PDXDC1: variants seen among roughly 807,000 people sequenced by gnomAD.
PDXDC1 encodes pyridoxal-dependent decarboxylase domain-containing protein 1.
PDXDC1 carries 42 observed loss-of-function variants against 100.1 expected under a neutral mutation model. That is an observed-to-expected ratio of 0.42 (90% CI 0.33 to 0.54). The LOEUF (loss-of-function observed/expected upper bound fraction) is 0.54. Ranked by LOEUF, PDXDC1 falls within the 20% of genes least tolerant of loss-of-function variation. The pLI, the probability that PDXDC1 is intolerant of heterozygous loss-of-function variation, is 0.10. For missense variants in PDXDC1, 636 were observed against 979.2 expected (o/e 0.65, Z 4.68); for synonymous variants, 260 against 371.7 (o/e 0.70, Z 3.46).
At chr16:15,148,489 T>C in the PDXDC1 span, among the ~76,000 whole-genome samples, 3 of 149,272 alleles carry the variant, frequency 2.0e-5, no homozygotes, top group African/African-American at 5.0e-5. Flanking sequence ...GCTCAAGTGA[T>C]GTCCCACCTC....
At chr16:15,109,123 A>T (rs1240203699) in intron 16 of PDXDC1, 1 of 147,416 alleles carries the variant, frequency 6.8e-6, no homozygotes. Context: ...ATTGCTAAAT[A>T]TTTTTTAACA....
intron 5 of PDXDC1, among the ~76,000 whole-genome samples, chr16:15,005,721 A>G (rs541345514): frequency 6.6e-6 from 1 of 152,382 alleles, no homozygotes; most frequent in Admixed American, 6.5e-5. Context: ...TTTTTTTGAG[A>G]TGGAGTCTTA....
At chr16:15,100,805 G>C (rs748213531) in intron 16 of PDXDC1, among the ~76,000 whole-genome samples, 6 of 152,090 alleles carry the variant, frequency 3.9e-5, no homozygotes, top group East Asian at 1.9e-4. Flanking sequence ...TCTCTGCCTA[G>C]CCTAGGCAGA....
At chr16:14,989,090 AG>A in intron 1 of PDXDC1, 1 of 1,614,220 alleles carries the variant, frequency 6.2e-7, no homozygotes, top group Non-Finnish European at 8.5e-7. Flanking sequence ...CGGTGAGGCC[AG>A]ACGGCCTGTG....
chr16:15,088,912 G>A (rs1310897215), intron 16 of PDXDC1, among the ~76,000 whole-genome samples: 1 of 151,872 alleles, frequency 6.6e-6, no homozygotes, highest in Non-Finnish European at 1.5e-5. Context: ...GAGAACCAGG[G>A]AAAGCTCCAT....
intron 16 of PDXDC1, among the ~76,000 whole-genome samples, chr16:15,104,136 G>A (rs1027546019): frequency 3.4e-5 from 2 of 58,724 alleles, no homozygotes; most frequent in African/African-American, 1.4e-4. Flanking sequence ...TCGAGCCACT[G>A]CACTCCAGCC....
intron 15 of PDXDC1, chr16:15,029,544 G>A: frequency 2.8e-6 from 1 of 361,600 alleles, no homozygotes; most frequent in Non-Finnish European, 4.8e-6. Context: ...AAGCAGAAAG[G>A]AACTGGTCAT....
At chr16:15,032,744 T>C in intron 17 of PDXDC1, 117 bp from the exon 18 acceptor site, 1 of 673,878 alleles carries the variant, frequency 1.5e-6, no homozygotes, top group Non-Finnish European at 2.7e-6. Context: ...TCGCAGTAGC[T>C]CTTTTGCCCA....
chr16:15,063,926 T>C (rs1324044330), intron 16 of PDXDC1, among the ~76,000 whole-genome samples: 2 of 152,102 alleles, frequency 1.3e-5, no homozygotes, highest in Non-Finnish European at 2.9e-5. Flanking sequence ...AATGAAACCG[T>C]AATATTCTGG....
chr16:15,078,796 C>T (rs371107029), intron 16 of PDXDC1, among the ~76,000 whole-genome samples: 111 of 149,296 alleles, frequency 7.4e-4, no homozygotes, highest in African/African-American at 2.5e-3. Context: ...CAACTGCCTC[C>T]TCTTCGTATT....
At chr16:15,041,457 C>T (rs1039827949), downstream of PDXDC1, among the ~76,000 whole-genome samples, 1 of 151,930 alleles carries the variant, frequency 6.6e-6, no homozygotes, top group East Asian at 1.9e-4. Flanking sequence ...AGATGGTGGA[C>T]GAGGGCAAGG....
intron 16 of PDXDC1, among the ~76,000 whole-genome samples, chr16:15,109,941 G>A (rs1161691504): frequency 4.2e-5 from 6 of 143,566 alleles, no homozygotes; most frequent in East Asian, 2.0e-4. Flanking sequence ...ATTACCTGAG[G>A]TCAGAAGTTC....
At chr16:15,012,642 C>T (rs1284877124) in intron 8 of PDXDC1, among the ~76,000 whole-genome samples, 5 of 152,252 alleles carry the variant, frequency 3.3e-5, no homozygotes, top group South Asian at 2.1e-4. Flanking sequence ...CTCAGGTGTT[C>T]GAGACCAGCC....
intron 3 of PDXDC1, among the ~76,000 whole-genome samples, chr16:14,999,695 G>C (rs1256173462): frequency 1.3e-5 from 2 of 152,242 alleles, no homozygotes; most frequent in Non-Finnish European, 2.9e-5. Context: ...GTAAATGAAA[G>C]GAAAATGTCA....
At chr16:15,035,428 C>G in intron 21 of PDXDC1, 21 bp from the exon 22 acceptor site, 1 of 1,505,202 alleles carries the variant, frequency 6.6e-7, no homozygotes, top group Non-Finnish European at 9.1e-7. Context: ...AGCTTCTACC[C>G]AGCCCTCTCC....
chr16:15,066,609 G>A (rs1393245717), intron 16 of PDXDC1, among the ~76,000 whole-genome samples: 1 of 151,256 alleles, frequency 6.6e-6, no homozygotes, highest in Non-Finnish European at 1.5e-5. Context: ...CTCCAGCCTG[G>A]GTGACAGAGC....
In PDXDC1 at chr16:14,975,270, C is replaced by T. The variant is rs367579935; in HGVS notation, c.21+50C>T. 12,103 of 1,375,246 alleles carry T rather than the reference C, an allele frequency of 8.8e-3. 10 individuals carry two copies. The highest frequency in any genetic ancestry group is 0.021 in the East Asian group (713 of 33,400). 85.2% of individuals were successfully genotyped at this position (1,375,246 alleles called of 1,614,324 possible). On this transcript the variant is annotated intron_variant, in intron 1 of 22. Coordinates refer to ENST00000396410, the MANE Select transcript of PDXDC1 (RefSeq NM_015027.4). ...GGACGGTGCTGCGGCCCGGGGCTCC[C>T]GCTTCCGAGGCAACTGTTTCCCAGT...
At chr16:15,021,840 T>C (rs1042388406) in intron 12 of PDXDC1, among the ~76,000 whole-genome samples, 2 of 152,412 alleles carry the variant, frequency 1.3e-5, no homozygotes, top group African/African-American at 2.4e-5. Flanking sequence ...TTCCTTCTCT[T>C]CTCCCTCTCT....
rs1431650819 is a variant in PDXDC1, at chr16:14,975,052, G to A, written c.-148G>A. On this transcript the variant is annotated 5_prime_UTR_variant, in exon 1 of 23. Transcript: ENST00000396410. ...TCTCAACCATCAGGTTCGGCAGCCCGCGGCGCCGCCTGGCAGCTCCTCCTC... is the reference window on the plus strand; with the variant it reads ...TCTCAACCATCAGGTTCGGCAGCCCACGGCGCCGCCTGGCAGCTCCTCCTC... 150 of 1,514,486 alleles carry A rather than the reference G, an allele frequency of 9.9e-5. No homozygotes were observed. In the South Asian group the frequency reaches 1.6e-3, roughly 16 times the overall value. 93.8% of individuals were successfully genotyped at this position (1,514,486 alleles called of 1,614,324 possible). A position where few individuals can be genotyped will look rare whatever the true frequency, so the allele number is the denominator to read the frequency against.
Sources: allele counts gnomAD v4.1 joint callset (sites outside exome capture counted in the v4.1 genomes callset), GRCh38; gene constraint gnomAD v4.1.1; transcripts MANE v1.5; gene names NCBI Gene and HGNC (gene_info 2026-07-23, HGNC 2026-07-21).